Variants in KDM4C observed in about 807,000 individuals in gnomAD.
KDM4C encodes the protein lysine demethylase 4C.
In KDM4C, 81 loss-of-function variants were observed where a neutral mutation model predicts 129.3. The ratio of observed to expected loss-of-function variants is 0.63; its 90% CI spans 0.52 to 0.75. KDM4C has a LOEUF of 0.75. KDM4C is among the 30% of genes least tolerant of loss of function. The pLI, the probability that KDM4C is intolerant of heterozygous loss-of-function variation, is 0.00. For synonymous variants in KDM4C, 573 were observed against 456.1 expected (o/e 1.26, Z -3.26); for missense variants, 1,457 against 1,304.0 (o/e 1.12, Z -1.81).
chr9:7,065,458 A>G (rs966668508), intron 17 of KDM4C, among the ~76,000 whole-genome samples: 1 of 152,160 alleles, frequency 6.6e-6, no homozygotes, highest in African/African-American at 2.4e-5. Context: ...TTAGAAAGTC[A>G]TCAGTTTTAA....
At chr9:6,770,212 C>T (rs1426115229) in intron 1 of KDM4C, among the ~76,000 whole-genome samples, 1 of 143,580 alleles carries the variant, frequency 7.0e-6, no homozygotes, top group African/African-American at 2.6e-5. Context: ...AAACAAAAAA[C>T]ACCAAAAAAA....
intron 17 of KDM4C, among the ~76,000 whole-genome samples, chr9:7,072,115 A>G (rs143907778): frequency 3.4e-4 from 52 of 152,326 alleles, no homozygotes; most frequent in African/African-American, 1.2e-3. Context: ...GTCACTACAT[A>G]TCAATGGAAT....
chr9:6,725,620 T>C (rs991398897), intron 1 of KDM4C, among the ~76,000 whole-genome samples: 2 of 152,084 alleles, frequency 1.3e-5, no homozygotes, highest in African/African-American at 4.8e-5. Flanking sequence ...CCCAAGTAGC[T>C]GGGATTACAG....
At chr9:6,766,269 A>C (rs1290361372) in intron 1 of KDM4C, among the ~76,000 whole-genome samples, 1 of 152,164 alleles carries the variant, frequency 6.6e-6, no homozygotes, top group Non-Finnish European at 1.5e-5. Context: ...ATGAGCATTT[A>C]CTTTGAGTGT....
chr9:7,110,656 T>C (rs972082596), intron 18 of KDM4C, among the ~76,000 whole-genome samples: 2 of 152,180 alleles, frequency 1.3e-5, no homozygotes, highest in African/African-American at 4.8e-5. Flanking sequence ...GCTTTTCTGG[T>C]CTCTTTCTTT....
chr9:7,051,635 G>T (rs1830163284), intron 17 of KDM4C, among the ~76,000 whole-genome samples: 1 of 152,050 alleles, frequency 6.6e-6, no homozygotes, highest in South Asian at 2.1e-4. Flanking sequence ...ATTTTATTCT[G>T]CCTATTTCAT....
chr9:7,031,578 T>A (rs752090327), intron 15 of KDM4C, among the ~76,000 whole-genome samples: 42 of 152,160 alleles, frequency 2.8e-4, no homozygotes, highest in South Asian at 1.0e-3. Context: ...GGAGTGATTT[T>A]AAAAAAAACT....
chr9:7,056,898 C>T (rs1170758873), intron 17 of KDM4C, among the ~76,000 whole-genome samples: 2 of 152,164 alleles, frequency 1.3e-5, no homozygotes, highest in Non-Finnish European at 2.9e-5. Context: ...TCCTTTCACT[C>T]TAGTACTGCC....
At chr9:6,794,553 C>T (rs776365598) in intron 2 of KDM4C, among the ~76,000 whole-genome samples, 2 of 152,014 alleles carry the variant, frequency 1.3e-5, no homozygotes, top group South Asian at 4.1e-4. Flanking sequence ...CACACTGGCT[C>T]CTACATGAAG....
At chr9:6,757,827 G>A, upstream of KDM4C, 2 of 985,628 alleles carry the variant, frequency 2.0e-6, no homozygotes, top group African/African-American at 1.7e-5. Flanking sequence ...GAAGATGCGC[G>A]CCAGCAAGCC....
At chr9:6,774,639 T>G (rs1221651014) in intron 1 of KDM4C, among the ~76,000 whole-genome samples, 2 of 152,154 alleles carry the variant, frequency 1.3e-5, no homozygotes, top group African/African-American at 2.4e-5. Context: ...CACTCCAGCA[T>G]GGGTGACAGA....
chr9:6,880,715 GGACCTCTA>G (rs1360354781), intron 6 of KDM4C, among the ~76,000 whole-genome samples: 1 of 152,138 alleles, frequency 6.6e-6, no homozygotes, highest in Admixed American at 6.5e-5. Context: ...GAACTTTTCT[GGACCTCTA>G]TTGATGATCC....
At chr9:6,824,030 A>T (rs1833481759) in intron 4 of KDM4C, among the ~76,000 whole-genome samples, 1 of 152,216 alleles carries the variant, frequency 6.6e-6, no homozygotes, top group Non-Finnish European at 1.5e-5. Flanking sequence ...GATACAACTT[A>T]GCTGCAGACT....
intron 15 of KDM4C, among the ~76,000 whole-genome samples, chr9:7,039,674 A>G (rs61075062): frequency 0.15 from 23,478 of 152,086 alleles, 2,452 homozygotes; most frequent in South Asian, 0.39. Flanking sequence ...TATTTTTACA[A>G]TAACTTATGC....
chr9:6,938,525 G>C (rs145197096), intron 8 of KDM4C, among the ~76,000 whole-genome samples: 15 of 152,286 alleles, frequency 9.8e-5, no homozygotes, highest in Admixed American at 7.8e-4. Context: ...TACTCTAAAT[G>C]GGAACAATCT....
At chr9:6,908,908 C>T (rs1317570402) in intron 8 of KDM4C, among the ~76,000 whole-genome samples, 1 of 152,086 alleles carries the variant, frequency 6.6e-6, no homozygotes, top group Non-Finnish European at 1.5e-5. Flanking sequence ...GGAGTAGTGA[C>T]TGACACATGG....
At chr9:7,059,452 C>T (rs1831314635) in intron 17 of KDM4C, among the ~76,000 whole-genome samples, 1 of 152,108 alleles carries the variant, frequency 6.6e-6, no homozygotes, top group Non-Finnish European at 1.5e-5. Flanking sequence ...CAAATTATGC[C>T]TGGGCAAACT....
At chr9:6,958,868 G>A (rs561960981) in intron 8 of KDM4C, among the ~76,000 whole-genome samples, 3 of 151,864 alleles carry the variant, frequency 2.0e-5, no homozygotes, top group African/African-American at 4.8e-5. Flanking sequence ...AGCTGGTCTC[G>A]AACTCCTGGG....
At chr9:7,135,105 G>A in intron 19 of KDM4C, among the ~76,000 whole-genome samples, 1 of 152,260 alleles carries the variant, frequency 6.6e-6, no homozygotes, top group African/African-American at 2.4e-5. Flanking sequence ...CGAATTGTGT[G>A]TGTCTCACTG....
Sources: allele counts gnomAD v4.1 joint callset (sites outside exome capture counted in the v4.1 genomes callset), GRCh38; gene constraint gnomAD v4.1.1; transcripts MANE v1.5; gene names NCBI Gene and HGNC (gene_info 2026-07-23, HGNC 2026-07-21).